JMJD1C: variants seen among roughly 807,000 people sequenced by gnomAD.
JMJD1C encodes the protein jumonji domain-containing protein 1C.
JMJD1C carries 31 observed loss-of-function variants against 245.3 expected under a neutral mutation model. The observed-to-expected ratio is 0.13, with a 90% confidence interval of 0.09 to 0.17. JMJD1C has a LOEUF of 0.17. JMJD1C is among the 10% of genes least tolerant of loss of function. The pLI, the probability that JMJD1C is intolerant of heterozygous loss-of-function variation, is 1.00. For missense variants in JMJD1C, 2,691 were observed against 3,000.2 expected, an observed-to-expected ratio of 0.90 and a Z score of 2.41; for synonymous variants, 1,057 against 1,017.4, an observed-to-expected ratio of 1.04 and a Z score of -0.74.
intron 1 of JMJD1C, among the ~76,000 whole-genome samples, chr10:63,517,299 T>C (rs1955050645): frequency 6.6e-6 from 1 of 152,232 alleles, no homozygotes; most frequent in Non-Finnish European, 1.5e-5. Context: ...ATGCAGAAGA[T>C]GCACATTCCA....
At chr10:63,221,980 C>T (rs56121940) in intron 3 of JMJD1C, among the ~76,000 whole-genome samples, 1,999 of 152,294 alleles carry the variant, frequency 0.013, 30 homozygotes, top group African/African-American at 0.034. Context: ...CCTCAACCTC[C>T]CAAAGTGTTG....
intron 1 of JMJD1C, among the ~76,000 whole-genome samples, chr10:63,397,447 A>C (rs1333786280): frequency 6.6e-6 from 1 of 152,136 alleles, no homozygotes; most frequent in Non-Finnish European, 1.5e-5. Context: ...TCCTGACCTC[A>C]GGTGATCTGT....
intron 1 of JMJD1C, among the ~76,000 whole-genome samples, chr10:63,487,247 A>G (rs1433541470): frequency 3.9e-5 from 6 of 152,210 alleles, no homozygotes; most frequent in African/African-American, 1.4e-4. Context: ...GAAATTACAA[A>G]ATATGGATTT....
rs1469810418 is a variant in JMJD1C at position 63,319,519 on chromosome 10, T to C, written c.334-54755A>G. On this transcript the variant is annotated intron_variant, in intron 2 of 25. Transcript: ENST00000399262. ...CACCTCTCTCTTTTCTCTCTCACTT[T>C]AATTCTAGAAAACTATCCCTTTTAT... 2.0e-5 allele frequency among the ~76,000 whole-genome samples: 3 copies of C among 152,088 alleles called. No homozygotes were observed. In the East Asian group the frequency reaches 5.8e-4, roughly 29 times the overall value.
chr10:63,199,592 T>C (rs1589128120), intron 11 of JMJD1C, among the ~76,000 whole-genome samples: 2 of 152,296 alleles, frequency 1.3e-5, no homozygotes, highest in South Asian at 2.1e-4. Flanking sequence ...TTCAGACTTT[T>C]CCTAGATTTT....
intron 1 of JMJD1C, among the ~76,000 whole-genome samples, chr10:63,517,702 T>G (rs762610629): frequency 1.3e-5 from 2 of 152,072 alleles, no homozygotes; most frequent in Non-Finnish European, 2.9e-5. Context: ...TATAAAAGCT[T>G]CTAGGCAGAA....
chr10:63,424,501 T>C (rs1003412134), intron 1 of JMJD1C, among the ~76,000 whole-genome samples: 1 of 144,186 alleles, frequency 6.9e-6, no homozygotes, highest in Non-Finnish European at 1.5e-5. Flanking sequence ...TTATTTCTTT[T>C]TTTTTTTTTT....
At chr10:63,184,781 A>T in intron 20 of JMJD1C, 43 bp from the exon 21 acceptor site, 2 of 1,540,034 alleles carry the variant, frequency 1.3e-6, no homozygotes, top group Non-Finnish European at 1.8e-6. Context: ...AAAGATTTGC[A>T]TTGCTAAGTA....
intron 2 of JMJD1C, among the ~76,000 whole-genome samples, chr10:63,315,560 C>T (rs748880401): frequency 5.9e-5 from 9 of 151,924 alleles, no homozygotes; most frequent in Non-Finnish European, 1.2e-4. Flanking sequence ...AAATTCTGGC[C>T]GGGTGCAGTG....
intron 1 of JMJD1C, among the ~76,000 whole-genome samples, chr10:63,400,265 A>C (rs533647925): frequency 9.9e-5 from 15 of 152,146 alleles, no homozygotes; most frequent in African/African-American, 1.7e-4. Context: ...TCTTTAAGGC[A>C]TACTCCTAAG....
In JMJD1C at chr10:63,208,210, TTGG is replaced by T. The variant is rs1428548805; in HGVS notation, c.3456_3458del (p.His1152del). On this transcript the variant is annotated inframe_deletion, in exon 10 of 26. Coordinates refer to ENST00000399262, the MANE Select transcript of JMJD1C (RefSeq NM_032776.3). ...TGCCTACTAAACCTTCACTTTCTGG[TTGG>T]TGTTTAATCAAAGGTGGAGGCTTTG... 7 of 1,614,096 alleles carry T rather than the reference TTGG, an allele frequency of 4.3e-6. No individual in the cohort carries two copies. Among genetic ancestry groups the T allele is most frequent in the Non-Finnish European group, 5.9e-6 (7 of 1,179,968 alleles).
intron 2 of JMJD1C, among the ~76,000 whole-genome samples, chr10:63,357,283 A>G (rs12098735): frequency 0.14 from 20,869 of 151,738 alleles, 3,326 homozygotes; most frequent in African/African-American, 0.39. Flanking sequence ...TCACACAAAT[A>G]TATTTTTTCA....
intron 1 of JMJD1C, among the ~76,000 whole-genome samples, chr10:63,471,260 G>A (rs1464263157): frequency 1.3e-5 from 2 of 152,256 alleles, no homozygotes; most frequent in East Asian, 3.9e-4. Context: ...AAGTAAAGGA[G>A]GTTCTAAACT....
chr10:63,464,651 A>C (rs1024363539), intron 1 of JMJD1C, among the ~76,000 whole-genome samples: 1 of 152,048 alleles, frequency 6.6e-6, no homozygotes, highest in African/African-American at 2.4e-5. Context: ...TCATGCACAT[A>C]CCTACGCTAC....
chr10:63,271,127 A>G (rs1050683030), intron 2 of JMJD1C, among the ~76,000 whole-genome samples: 1 of 152,146 alleles, frequency 6.6e-6, no homozygotes, highest in Non-Finnish European at 1.5e-5. Context: ...TGTAGGTGCA[A>G]GAAATATTTA....
intron 8 of JMJD1C, among the ~76,000 whole-genome samples, chr10:63,211,464 C>CA (rs71025124): frequency 2.1e-3 from 218 of 103,366 alleles, no homozygotes; most frequent in African/African-American, 6.3e-3. Flanking sequence ...GACTCCATCT[C>CA]AAAAAAAAAA....
At chr10:63,304,325 C>A (rs1937699866) in intron 2 of JMJD1C, among the ~76,000 whole-genome samples, 1 of 152,118 alleles carries the variant, frequency 6.6e-6, no homozygotes, top group African/African-American at 2.4e-5. Context: ...GGGCATAAGG[C>A]TGTCTCTACT....
intron 1 of JMJD1C, among the ~76,000 whole-genome samples, chr10:63,449,355 T>C (rs917935007): frequency 6.6e-6 from 1 of 152,150 alleles, no homozygotes; most frequent in Non-Finnish European, 1.5e-5. Context: ...GGAAATAACA[T>C]CTTGAACAGT....
Position 63,217,389 on chromosome 10 carries a change from C to G in JMJD1C, c.554-58G>C, listed in dbSNP as rs41274076. ...AAATGGAGACATCTTCATTTAATAA[C>G]TGCCTTTTAGAAGAAACATGAGCTA... On this transcript the variant is annotated intron_variant, in intron 4 of 25. Coordinates refer to ENST00000399262, the MANE Select transcript of JMJD1C (RefSeq NM_032776.3). 2,101 of 1,382,632 alleles carry G rather than the reference C, an allele frequency of 1.5e-3. 2 individuals carry two copies. The highest frequency in any genetic ancestry group is 1.9e-3 in the Non-Finnish European group (1,905 of 1,012,312). 85.6% of individuals were successfully genotyped at this position (1,382,632 alleles called of 1,614,324 possible). A position where few individuals can be genotyped will look rare whatever the true frequency, so the allele number is the denominator to read the frequency against.
Sources: allele counts gnomAD v4.1 joint callset (sites outside exome capture counted in the v4.1 genomes callset), GRCh38; gene constraint gnomAD v4.1.1; transcripts MANE v1.5; gene names NCBI Gene and HGNC (gene_info 2026-07-23, HGNC 2026-07-21).